Variants in KIAA0513 observed in about 807,000 individuals in gnomAD.
The protein encoded by KIAA0513 is uncharacterized protein KIAA0513.
A neutral mutation model predicts 56.5 loss-of-function variants in KIAA0513; 39 were observed. The ratio of observed to expected loss-of-function variants is 0.69; its 90% confidence interval spans 0.53 to 0.90. The LOEUF (loss-of-function observed/expected upper bound fraction) is 0.90. Among genes scored for constraint, KIAA0513 ranks in the 40% least tolerant of loss-of-function variants. KIAA0513 has a pLI of 0.00. For synonymous variants in KIAA0513, 268 were observed against 215.6 expected (o/e 1.24, Z -2.13); for missense variants, 591 against 535.2 (o/e 1.10, Z -1.03).
chr16:85,033,008 C>T (rs868238171), intron 1 of KIAA0513, among the ~76,000 whole-genome samples: 29 of 152,168 alleles, frequency 1.9e-4, no homozygotes, highest in Admixed American at 5.2e-4. Context: ...CCAGGGGTTG[C>T]GGCGGGTGTG....
intron 1 of KIAA0513, among the ~76,000 whole-genome samples, chr16:85,036,763 C>A (rs1362984781): frequency 6.6e-6 from 1 of 152,216 alleles, no homozygotes. Flanking sequence ...AGCCCAGCAC[C>A]CCCTGCCCGG....
intron 1 of KIAA0513, among the ~76,000 whole-genome samples, chr16:85,040,093 C>T (rs1162225206): frequency 6.6e-6 from 1 of 152,114 alleles, no homozygotes; most frequent in Non-Finnish European, 1.5e-5. Flanking sequence ...CTCAGCCTCC[C>T]AAAGTGCTGG....
chr16:85,030,381 G>C (rs1048263530), intron 1 of KIAA0513, among the ~76,000 whole-genome samples: 1 of 152,138 alleles, frequency 6.6e-6, no homozygotes, highest in Non-Finnish European at 1.5e-5. Flanking sequence ...AGCTGACCCA[G>C]TAACTTTGTT....
At chr16:85,079,148 C>T in intron 8 of KIAA0513, 145 bp downstream of exon 8, 1 of 1,480,160 alleles carries the variant, frequency 6.8e-7, no homozygotes, top group Non-Finnish European at 9.0e-7. Context: ...AAGATGAACA[C>T]TCACAGGCGT....
intron 1 of KIAA0513, among the ~76,000 whole-genome samples, chr16:85,060,510 G>C (rs1275602679): frequency 1.3e-5 from 2 of 152,180 alleles, no homozygotes; most frequent in African/African-American, 4.8e-5. Context: ...CCAGCTGTGA[G>C]GCTGGGGTTA....
chr16:85,082,531 T>G, intron 9 of KIAA0513, 33 bp from the exon 10 acceptor site: 1 of 1,612,802 alleles, frequency 6.2e-7, no homozygotes, highest in Non-Finnish European at 8.5e-7. Context: ...TTTGACATGT[T>G]CCTTTGTTTA....
chr16:85,036,328 C>G (rs2073036124), intron 1 of KIAA0513, among the ~76,000 whole-genome samples: 2 of 152,202 alleles, frequency 1.3e-5, no homozygotes, highest in Admixed American at 6.5e-5. Flanking sequence ...CATTTGCAGT[C>G]TCTGCCCCTG....
intron 1 of KIAA0513, among the ~76,000 whole-genome samples, chr16:85,046,538 A>G (rs1382994099): frequency 6.6e-6 from 1 of 152,290 alleles, no homozygotes; most frequent in East Asian, 1.9e-4. Flanking sequence ...TCTCACAAGA[A>G]AGAATCCCTT....
chr16:85,060,046 C>T (rs1372064196), intron 1 of KIAA0513, among the ~76,000 whole-genome samples: 5 of 152,280 alleles, frequency 3.3e-5, no homozygotes, highest in East Asian at 1.9e-4. Context: ...CTGCAACCTC[C>T]GCTTCCCGGG....
intron 1 of KIAA0513, among the ~76,000 whole-genome samples, chr16:85,033,120 G>A (rs963868996): frequency 2.4e-4 from 36 of 152,324 alleles, no homozygotes; most frequent in South Asian, 4.1e-4. Context: ...TGACAGGGAT[G>A]TGGACGTTTT....
At position 85,072,997 on chromosome 16, in the gene KIAA0513, G is replaced by A. The variant is rs564854975; in HGVS notation, c.502G>A (p.Glu168Lys). 2.5e-6 allele frequency: 4 copies of A among 1,613,542 alleles called. No individual in the cohort carries two copies. Among genetic ancestry groups the A allele is most frequent in the African/African-American group, 1.3e-5 (1 of 75,024 alleles). The change falls in exon 4 of 13, where the codon GAG becomes AAG. Residue 168 changes from glutamate (E) to lysine (K), a missense_variant and splice_region_variant. Glu to Lys is a moderately conservative substitution (Grantham distance 56, BLOSUM62 1). Transcript: ENST00000683363. ...LVQSFAVVLF[E>K]CHQMDDFGPA... ...GCAGTCTTTTGCAGTGGTGCTGTTC[G>A]AGTAAGTAATGCCGTGGCACAAAGC...
intron 1 of KIAA0513, among the ~76,000 whole-genome samples, chr16:85,036,362 C>T (rs1183705130): frequency 2.0e-5 from 3 of 152,196 alleles, no homozygotes; most frequent in Non-Finnish European, 4.4e-5. Context: ...CCTCTGACAA[C>T]CACTAATCCA....
rs542927331 is a variant in KIAA0513, at chr16:85,067,564, G to A, written c.329+164G>A. Reference sequence around the variant, plus strand: ...ACTGCAGGGGCCTCACTCCACTCCAGGCTGCATGCAGAGCCACGTGGAGAA... The same window carrying A: ...ACTGCAGGGGCCTCACTCCACTCCAAGCTGCATGCAGAGCCACGTGGAGAA... On this transcript the variant is annotated intron_variant, in intron 2 of 12. Coordinates refer to ENST00000683363, the MANE Select transcript of KIAA0513 (RefSeq NM_001388359.1). Among the ~76,000 whole-genome samples, 3 of 152,314 alleles carry A rather than the reference G, an allele frequency of 2.0e-5. No individual in the cohort carries two copies. The South Asian group carries it at 6.2e-4, about 32-fold the overall frequency.
At chr16:85,028,972 CAGAGA>C (rs2072926085) in intron 1 of KIAA0513, among the ~76,000 whole-genome samples, 1 of 152,320 alleles carries the variant, frequency 6.6e-6, no homozygotes, top group Admixed American at 6.5e-5. Context: ...AAAAGCAGGG[CAGAGA>C]GATGCTTAAC....
At chr16:85,070,402 A>C (rs2144031184) in intron 2 of KIAA0513, among the ~76,000 whole-genome samples, 1 of 151,962 alleles carries the variant, frequency 6.6e-6, no homozygotes, top group Admixed American at 6.6e-5. Context: ...TTATGGGCTG[A>C]GTACGGTGGC....
chr16:85,063,739 C>T (rs1480653190), intron 1 of KIAA0513: 1 of 152,148 alleles, frequency 6.6e-6, no homozygotes, highest in Non-Finnish European at 1.5e-5. Flanking sequence ...GATGCCAGCA[C>T]CGCCAGCCAT....
intron 1 of KIAA0513, among the ~76,000 whole-genome samples, chr16:85,060,124 C>G (rs2073383096): frequency 2.0e-5 from 3 of 152,148 alleles, no homozygotes; most frequent in South Asian, 2.1e-4. Flanking sequence ...CCAGGCCTGG[C>G]TAATTTTTGT....
chr16:85,088,531 A>T lies in KIAA0513; in HGVS notation c.*206A>T. 1.7e-6 allele frequency: 1 copy of T among 580,156 alleles called. No individual in the cohort carries two copies. Among genetic ancestry groups the T allele is most frequent in the Non-Finnish European group, 3.1e-6 (1 of 323,384 alleles). 35.9% of individuals were successfully genotyped at this position (580,156 alleles called of 1,614,324 possible). ...GTCTGCGACCCCCATCCATGTGCCA[A>T]AGTGTCCCTTGGGTCACACAGCTAA... On this transcript the variant is annotated 3_prime_UTR_variant, in exon 13 of 13. Coordinates refer to ENST00000683363, the MANE Select transcript of KIAA0513 (RefSeq NM_001388359.1).
chr16:85,079,248 T>A, intron 8 of KIAA0513: 1 of 741,348 alleles, frequency 1.3e-6, no homozygotes, highest in Non-Finnish European at 2.0e-6. Context: ...GCAGTTCCTT[T>A]AAAGGTGAAA....
Sources: gnomAD v4.1 joint callset for allele counts (sites outside exome capture counted in the v4.1 genomes callset) on GRCh38, gnomAD v4.1.1 for gene constraint, MANE v1.5 for transcripts, NCBI Gene and HGNC (gene_info 2026-07-23, HGNC 2026-07-21) for gene names.